NAALADL2: variants seen among roughly 807,000 people sequenced by gnomAD.
NAALADL2 encodes the protein N-acetylated alpha-linked acidic dipeptidase like 2, also known as inactive N-acetylated-alpha-linked acidic dipeptidase-like protein 2.
NAALADL2 carries 76 observed loss-of-function variants against 87.2 expected under a neutral mutation model. The ratio of observed to expected loss-of-function variants is 0.87; its 90% CI spans 0.72 to 1.05. NAALADL2 has a LOEUF of 1.05. NAALADL2 is among the 50% of genes least tolerant of loss of function. The pLI is 0.00. For missense variants in NAALADL2, 1,089 were observed against 945.8 expected, an observed-to-expected ratio of 1.15 and a Z score of -1.99; for synonymous variants, 354 against 331.0, an observed-to-expected ratio of 1.07 and a Z score of -0.75.
chr3:174,869,200 G>C (rs1246593079), intron 1 of NAALADL2, among the ~76,000 whole-genome samples: 4 of 151,922 alleles, frequency 2.6e-5, no homozygotes, highest in Non-Finnish European at 1.5e-5. Context: ...GGAATGAGGT[G>C]AAAAAAGATG....
At chr3:175,113,153 A>G (rs1231737818) in intron 2 of NAALADL2, among the ~76,000 whole-genome samples, 1 of 151,662 alleles carries the variant, frequency 6.6e-6, no homozygotes, top group Non-Finnish European at 1.5e-5. Flanking sequence ...TCAGCAAAAG[A>G]TTCTGAGTAG....
intron 5 of NAALADL2, among the ~76,000 whole-genome samples, chr3:175,438,171 G>A (rs1417967349): frequency 1.3e-5 from 2 of 151,956 alleles, no homozygotes; most frequent in African/African-American, 2.4e-5. Flanking sequence ...ATAATGCATA[G>A]CACAAAGCAT....
chr3:174,658,730 T>C (rs1457613339), intron 2 of NAALADL2, among the ~76,000 whole-genome samples: 1 of 152,196 alleles, frequency 6.6e-6, no homozygotes. Context: ...GTTTTTTCAA[T>C]AAGTATAGAC....
chr3:174,771,046 A>C (rs956106162), intron 3 of NAALADL2, among the ~76,000 whole-genome samples: 4 of 152,124 alleles, frequency 2.6e-5, no homozygotes, highest in Non-Finnish European at 2.9e-5. Context: ...TTAATATACA[A>C]ATTATGAAGT....
chr3:175,214,217 G>A (rs1169215990), intron 2 of NAALADL2, among the ~76,000 whole-genome samples: 1 of 151,940 alleles, frequency 6.6e-6, no homozygotes, highest in African/African-American at 2.4e-5. Flanking sequence ...TAAATCAATG[G>A]TATTCAACTT....
At chr3:175,583,734 G>T (rs1720132041) in intron 10 of NAALADL2, among the ~76,000 whole-genome samples, 1 of 152,098 alleles carries the variant, frequency 6.6e-6, no homozygotes, top group South Asian at 2.1e-4. Flanking sequence ...CAATAAATGT[G>T]CACTCACAGG....
intron 1 of NAALADL2, among the ~76,000 whole-genome samples, chr3:175,063,463 A>G (rs1713944523): frequency 6.6e-6 from 1 of 151,382 alleles, no homozygotes; most frequent in African/African-American, 2.4e-5. Context: ...AATATATATA[A>G]ACAGCCTGTT....
intron 1 of NAALADL2, among the ~76,000 whole-genome samples, chr3:174,973,394 A>T (rs1743952409): frequency 6.6e-6 from 1 of 152,184 alleles, no homozygotes; most frequent in African/African-American, 2.4e-5. Context: ...ATTAAAATTG[A>T]GGTTAATCTC....
chr3:174,895,903 T>G (rs1364890702), intron 1 of NAALADL2, among the ~76,000 whole-genome samples: 1 of 152,108 alleles, frequency 6.6e-6, no homozygotes, highest in Non-Finnish European at 1.5e-5. Flanking sequence ...TGCAAATTAA[T>G]CATTGTGATA....
intron 3 of NAALADL2, among the ~76,000 whole-genome samples, chr3:174,788,959 G>A (rs540277958): frequency 1.3e-5 from 2 of 152,286 alleles, no homozygotes; most frequent in African/African-American, 2.4e-5. Context: ...CCACTTTAGG[G>A]AAGAGTTTGA....
intron 2 of NAALADL2, among the ~76,000 whole-genome samples, chr3:174,600,477 A>G (rs1262984294): frequency 1.3e-5 from 2 of 152,128 alleles, no homozygotes; most frequent in African/African-American, 2.4e-5. Flanking sequence ...TAACTTCTCT[A>G]AAGTCTTGGA....
chr3:174,598,393 G>A (rs978626676), intron 2 of NAALADL2, among the ~76,000 whole-genome samples: 6 of 152,114 alleles, frequency 3.9e-5, no homozygotes, highest in African/African-American at 1.4e-4. Flanking sequence ...CCACATTTCA[G>A]TGGAAATTGT....
At chr3:175,681,299 T>C (rs1014873255) in intron 11 of NAALADL2, among the ~76,000 whole-genome samples, 1 of 152,186 alleles carries the variant, frequency 6.6e-6, no homozygotes, top group African/African-American at 2.4e-5. Context: ...TACAGTATAA[T>C]GCATACTCGA....
chr3:175,742,999 C>CTT (rs113136524), intron 12 of NAALADL2, among the ~76,000 whole-genome samples: 3 of 143,906 alleles, frequency 2.1e-5, no homozygotes, highest in African/African-American at 5.1e-5. Flanking sequence ...AATTCCAAAT[C>CTT]TTTTTTTTTT....
intron 4 of NAALADL2, among the ~76,000 whole-genome samples, chr3:175,284,877 C>T (rs1179336425): frequency 1.3e-5 from 2 of 152,038 alleles, no homozygotes; most frequent in African/African-American, 4.8e-5. Context: ...GCAGCATCTT[C>T]ATTCCTGGCT....
chr3:174,756,656 CT>C (rs1436275905), intron 3 of NAALADL2, among the ~76,000 whole-genome samples: 1 of 152,168 alleles, frequency 6.6e-6, no homozygotes, highest in Non-Finnish European at 1.5e-5. Flanking sequence ...TAGAGATCTG[CT>C]TTGCACTGAG....
intron 13 of NAALADL2, among the ~76,000 whole-genome samples, chr3:175,785,497 G>T (rs1165805329): frequency 1.6e-5 from 2 of 127,272 alleles, no homozygotes; most frequent in Admixed American, 1.6e-4. Context: ...TTGGTTTAAA[G>T]TCTGTTTTAT....
At chr3:174,745,550 A>G (rs1734171489) in intron 3 of NAALADL2, among the ~76,000 whole-genome samples, 1 of 152,112 alleles carries the variant, frequency 6.6e-6, no homozygotes, top group Non-Finnish European at 1.5e-5. Flanking sequence ...ACTATTCCAA[A>G]CAATTGAATA....
In NAALADL2 at chr3:175,810,363, TA is replaced by T. The variant is rs1367288376; in HGVS notation, c.*7165del. On this transcript the variant is annotated 3_prime_UTR_variant, in exon 14 of 14. Transcript: ENST00000454872. ...AAATGGATTGAGATACCACATCCATTAAAAATATAAGTGAATATTTTATATT... is the reference window on the plus strand; with the variant it reads ...AAATGGATTGAGATACCACATCCATTAAAATATAAGTGAATATTTTATATT... 4 of 152,018 alleles carry T rather than the reference TA, an allele frequency of 2.6e-5. No homozygotes were observed. The highest frequency in any genetic ancestry group is 9.7e-5 in the African/African-American group (4 of 41,430). The allele number at this position is 152,018 out of a possible 1,614,324, so 9.4% of individuals were successfully genotyped here.
Sources: allele counts gnomAD v4.1 joint callset (sites outside exome capture counted in the v4.1 genomes callset), GRCh38; gene constraint gnomAD v4.1.1; transcripts MANE v1.5; gene names NCBI Gene and HGNC (gene_info 2026-07-23, HGNC 2026-07-21).